The following EBF3 variants were observed in gnomAD, a reference collection of about 807,000 sequenced individuals.
EBF3 encodes transcription factor COE3.
EBF3 carries 18 observed loss-of-function variants against 77.1 expected under a neutral mutation model. The observed-to-expected ratio is 0.23, with a 90% CI of 0.16 to 0.35. The LOEUF is 0.35. Ranked by LOEUF, EBF3 falls within the 10% of genes least tolerant of loss-of-function variation. The pLI is 1.00. For synonymous variants in EBF3, 350 were observed against 343.5 expected, an observed-to-expected ratio of 1.02 and a Z score of -0.21; for missense variants, 558 against 860.0, an observed-to-expected ratio of 0.65 and a Z score of 4.39.
intron 4 of EBF3, among the ~76,000 whole-genome samples, chr10:129,959,722 G>A (rs1000356552): frequency 1.9e-4 from 29 of 151,948 alleles, no homozygotes; most frequent in African/African-American, 6.5e-4. Context: ...CACGCTGCGG[G>A]CGGCCTGGGA....
intron 6 of EBF3, among the ~76,000 whole-genome samples, chr10:129,916,762 C>T (rs1005686874): frequency 8.5e-5 from 13 of 152,300 alleles, no homozygotes; most frequent in Admixed American, 2.0e-4. Context: ...CTCAGGGCTC[C>T]GGCTCACGCT....
chr10:129,880,030 C>T (rs1483946591), intron 6 of EBF3, among the ~76,000 whole-genome samples: 1 of 152,160 alleles, frequency 6.6e-6, no homozygotes, highest in African/African-American at 2.4e-5. Context: ...CTCCCCAGCT[C>T]CAGAGGAGGT....
At chr10:129,866,616 A>T (rs1023654941) in intron 10 of EBF3, among the ~76,000 whole-genome samples, 3 of 152,224 alleles carry the variant, frequency 2.0e-5, no homozygotes, top group Admixed American at 2.0e-4. Context: ...AGCGTCATGC[A>T]GGGTTCAAGA....
At chr10:129,946,396 G>A (rs1371037488) in intron 6 of EBF3, among the ~76,000 whole-genome samples, 5 of 152,276 alleles carry the variant, frequency 3.3e-5, no homozygotes, top group Admixed American at 3.3e-4. Context: ...GAGGAAACAT[G>A]AGCGGCAGTT....
At chr10:129,957,354 T>C (rs780482008) in intron 5 of EBF3, 28 bp from the exon 6 acceptor site, 52 of 1,567,434 alleles carry the variant, frequency 3.3e-5, no homozygotes, top group Non-Finnish European at 3.1e-5. Context: ...ACAGTGGTTT[T>C]AATATGCATT....
At chr10:129,854,537 G>T (rs1182887676) in intron 10 of EBF3, among the ~76,000 whole-genome samples, 1 of 152,146 alleles carries the variant, frequency 6.6e-6, no homozygotes, top group Non-Finnish European at 1.5e-5. Context: ...GATACGACGT[G>T]TAATACCCCG....
chr10:129,930,166 G>A (rs776991194), intron 6 of EBF3, among the ~76,000 whole-genome samples: 14 of 152,172 alleles, frequency 9.2e-5, no homozygotes, highest in Non-Finnish European at 1.9e-4. Context: ...CTCAGATTGA[G>A]GATTACACCA....
chr10:129,841,020 C>T lies in EBF3; in HGVS notation c.1385G>A (p.Arg462His), dbSNP rs775333110. The change falls in exon 14 of 17, where the codon CGC becomes CAC. Residue 462 changes from arginine (R) to histidine (H), a missense_variant. Around this residue, in one of 5 missense-constraint regions of EBF3, gnomAD observed 284 missense variants for 368.3 expected, o/e 0.77. Transcript: ENST00000440978. The surrounding 1 kb of genome is among the most constrained non-coding windows in gnomAD (Gnocchi z 4.6). Reference sequence around the variant, plus strand: ...TCGCGGGGACACGCTGCTTGTATTGCGACTGTAGCCGACTGTTGAAATCCC... The same window carrying T: ...TCGCGGGGACACGCTGCTTGTATTGTGACTGTAGCCGACTGTTGAAATCCC... ...SQANDQVGYS[R>H]NTSSVSPRGY... 8.2e-6 allele frequency: 13 copies of T among 1,591,450 alleles called. No homozygotes were observed. The African/African-American group carries it at 9.5e-5, about 12-fold the overall frequency.
At chr10:129,939,482 C>G (rs80352111) in intron 6 of EBF3, among the ~76,000 whole-genome samples, 1,706 of 152,342 alleles carry the variant, frequency 0.011, 33 homozygotes, top group African/African-American at 0.04. Flanking sequence ...TCTGACTATG[C>G]AGATCTCATT....
In EBF3 at chr10:129,937,248, C is replaced by T. The variant is rs181594590; in HGVS notation, c.554+20010G>A. ...AGGGAAAGAGCCTGGGGTTCCGGGG[C>T]GCACAGAGACCCCTAGTTTGAGCAG... On this transcript the variant is annotated intron_variant, in intron 6 of 16. Coordinates refer to ENST00000440978, the MANE Select transcript of EBF3 (RefSeq NM_001375380.1). 9.4e-4 allele frequency among the ~76,000 whole-genome samples: 143 copies of T among 151,970 alleles called. 1 individual carries two copies. The highest frequency in any genetic ancestry group is 3.3e-3 in the African/African-American group (135 of 41,416).
intron 6 of EBF3, among the ~76,000 whole-genome samples, chr10:129,911,166 C>T (rs931075454): frequency 3.3e-5 from 5 of 152,222 alleles, no homozygotes; most frequent in African/African-American, 1.2e-4. Flanking sequence ...TGACCAAGCC[C>T]CACAGCTGTG....
At chr10:129,891,096 C>T (rs1853989101) in intron 6 of EBF3, among the ~76,000 whole-genome samples, 1 of 152,110 alleles carries the variant, frequency 6.6e-6, no homozygotes, top group African/African-American at 2.4e-5. Context: ...GAAAAATGAG[C>T]ATCTAAATGG....
chr10:129,903,500 C>T (rs571768234), intron 6 of EBF3, among the ~76,000 whole-genome samples: 7 of 152,340 alleles, frequency 4.6e-5, no homozygotes, highest in Admixed American at 2.6e-4. Flanking sequence ...CACACCCTTA[C>T]AAAGTTCAGA....
At position 129,867,853 on chromosome 10, in the gene EBF3, C is replaced by CGGT; in HGVS notation, c.838_840dup (p.Thr280dup). 1 of 1,614,240 alleles carries CGGT rather than the reference C, an allele frequency of 6.2e-7. No homozygotes were observed. The highest frequency in any genetic ancestry group is 8.5e-7 in the Non-Finnish European group (1 of 1,180,034). On this transcript the variant is annotated inframe_insertion, in exon 9 of 17. Transcript: ENST00000440978. The stretch of plus-strand genomic sequence containing the variant: ...AAGAAGTTGTCGCCAATTATGATGA[C>CGGT]GGTGGCACCCCCCGTGGTCCAGCCT...
Position 129,958,856 on chromosome 10 carries a change from C to A in EBF3, c.485+78G>T, listed in dbSNP as rs575018469. ...CCCGGAGCTGGGCGGGGTGGCGGCGCCTGGACGCGGCGTCCTTTGTAGACG... is the reference window on the plus strand; with the variant it reads ...CCCGGAGCTGGGCGGGGTGGCGGCGACTGGACGCGGCGTCCTTTGTAGACG... On this transcript the variant is annotated intron_variant, in intron 5 of 16. Transcript: ENST00000440978. The A allele has an allele frequency of 6.8e-6, 10 of 1,479,896 alleles. No individual in the cohort carries two copies. The East Asian group carries it at 2.2e-4, about 32-fold the overall frequency. The allele number at this position is 1,479,896 out of a possible 1,614,324, so 91.7% of individuals were successfully genotyped here.
rs1216784571 is a variant in EBF3, at chr10:129,885,098, T to C, written c.555-7249A>G. Among the ~76,000 whole-genome samples, 1 of 152,202 alleles carries C rather than the reference T, an allele frequency of 6.6e-6. No homozygotes were observed. The highest frequency in any genetic ancestry group is 2.4e-5 in the African/African-American group (1 of 41,442). On this transcript the variant is annotated intron_variant, in intron 6 of 16. Transcript: ENST00000440978. The surrounding 1 kb of genome is among the most constrained non-coding windows in gnomAD (Gnocchi z 4.0). ...AAGAGCCTTATCGCTAAATTTCTGC[T>C]ATAATGGTTTTTCTTTTCATCACAA...
chr10:129,842,360 G>A lies in EBF3; in HGVS notation c.1195-67C>T, dbSNP rs1375855554. On this transcript the variant is annotated intron_variant, in intron 12 of 16. Transcript: ENST00000440978. The surrounding 1 kb of genome is among the most constrained non-coding windows in gnomAD (Gnocchi z 4.4). ...CCGGCCCAGCTGGCCGCACTCTCGG[G>A]GGCCCACCATGGTGGCATCCCACTG... is the stretch of plus-strand genomic sequence containing the variant. 4.6e-6 allele frequency: 7 copies of A among 1,511,834 alleles called. No homozygotes were observed. Among genetic ancestry groups the A allele is most frequent in the South Asian group, 1.3e-5 (1 of 76,678 alleles). 93.7% of individuals were successfully genotyped at this position (1,511,834 alleles called of 1,614,324 possible). A position where few individuals can be genotyped will look rare whatever the true frequency, so the allele number is the denominator to read the frequency against.
intron 6 of EBF3, among the ~76,000 whole-genome samples, chr10:129,880,866 A>G (rs1853156821): frequency 6.6e-6 from 1 of 152,246 alleles, no homozygotes; most frequent in Non-Finnish European, 1.5e-5. Flanking sequence ...GGCACCGTAC[A>G]GCAGGTGTGT....
At position 129,960,113 on chromosome 10, in the gene EBF3, G is replaced by GAA. The variant is rs572584659; in HGVS notation, c.412-1108_412-1107dup. On this transcript the variant is annotated intron_variant, in intron 4 of 16. Transcript: ENST00000440978. ...ACTGGCCTCGCGAAAAAACAGAAAA[G>GAA]AAAAAAAAAAAAAGTCTACTGGGGG... 1.4e-3 allele frequency among the ~76,000 whole-genome samples: 156 copies of GAA among 114,852 alleles called. 4 individuals are homozygous for GAA. In the South Asian group the frequency reaches 0.034, roughly 25 times the overall value. The allele number at this position is 114,852 out of a possible 152,430, so 75.3% of individuals were successfully genotyped here.
Sources: allele counts gnomAD v4.1 joint callset (sites outside exome capture counted in the v4.1 genomes callset), GRCh38; gene constraint gnomAD v4.1.1; regional missense constraint gnomAD v4.1.1; non-coding constraint Gnocchi (gnomAD v3.1); transcripts MANE v1.5; gene names NCBI Gene and HGNC (gene_info 2026-07-23, HGNC 2026-07-21).